The following AKAP8L variants were observed in gnomAD, a reference collection of about 807,000 sequenced individuals.
AKAP8L encodes the protein A-kinase anchor protein 8-like.
AKAP8L carries 34 observed loss-of-function variants against 77.5 expected under a neutral mutation model. The ratio of observed to expected loss-of-function variants is 0.44; its 90% confidence interval spans 0.33 to 0.58. The LOEUF (loss-of-function observed/expected upper bound fraction) is 0.58, where lower values mean the gene tolerates loss of function less well. Among genes scored for constraint, AKAP8L ranks in the 20% least tolerant of loss-of-function variants. AKAP8L has a pLI of 0.02. For missense variants in AKAP8L, 806 were observed against 887.6 expected (o/e 0.91, Z 1.17); for synonymous variants, 342 against 340.7 (o/e 1.00, Z -0.04).
intron 12 of AKAP8L, among the ~76,000 whole-genome samples, chr19:15,386,048 C>T (rs1405518162): frequency 6.6e-6 from 1 of 151,764 alleles, no homozygotes; most frequent in East Asian, 1.9e-4. Context: ...GTAGCTGGGA[C>T]TACAGGCGCC....
At chr19:15,418,777 C>T (rs759246625) in intron 1 of AKAP8L, 134 bp downstream of exon 1, 1 of 849,708 alleles carries the variant, frequency 1.2e-6, no homozygotes, top group Non-Finnish European at 1.8e-6. Context: ...GGCGACGGGC[C>T]AGCGGCGCCA....
At chr19:15,408,677 C>T (rs1599617673) in intron 2 of AKAP8L, among the ~76,000 whole-genome samples, 1 of 151,308 alleles carries the variant, frequency 6.6e-6, no homozygotes. Context: ...AGGTCAGGAG[C>T]TCGAGAACAT....
At position 15,400,570 on chromosome 19, in the gene AKAP8L, C is replaced by T. The variant is rs1476394533; in HGVS notation, c.985-212G>A. ...CGGCTATGTGCCAGAAACCTCACAT[C>T]CTCCCACTACCTGGTGCACAGGGGC... is the stretch of plus-strand genomic sequence containing the variant. On this transcript the variant is annotated intron_variant, in intron 7 of 13. Transcript: ENST00000397410. 8.5e-6 allele frequency: 6 copies of T among 707,130 alleles called. No individual in the cohort carries two copies. In the African/African-American group the frequency reaches 9.0e-5, roughly 11 times the overall value. 43.8% of individuals were successfully genotyped at this position (707,130 alleles called of 1,614,324 possible).
chr19:15,404,278 T>C, intron 2 of AKAP8L: 1 of 536,302 alleles, frequency 1.9e-6, no homozygotes, highest in Non-Finnish European at 3.3e-6. Flanking sequence ...TTCCCAACAC[T>C]CTCAACTAAG....
At chr19:15,390,081 T>C (rs1271159561) in intron 12 of AKAP8L, among the ~76,000 whole-genome samples, 1 of 151,556 alleles carries the variant, frequency 6.6e-6, no homozygotes, top group Non-Finnish European at 1.5e-5. Flanking sequence ...GAATATACCC[T>C]ATAACAAGTG....
rs777608722 is a variant in AKAP8L at position 15,380,404 on chromosome 19, G to A, written c.1659C>T (p.Pro553=). ...LKGENPFTDS[P]EEEKEQEEAE... is the part of the protein sequence containing the mutation. ...CCTCCTCCTGCTCCTTCTCCTCCTCGGGGCTGTCGGTGAAAGGGTTCTCGC... is the reference window on the plus strand; with the variant it reads ...CCTCCTCCTGCTCCTTCTCCTCCTCAGGGCTGTCGGTGAAAGGGTTCTCGC... The change falls in exon 14 of 14, where the codon CCC becomes CCT. Residue 553 remains proline, a synonymous_variant. Coordinates refer to ENST00000397410, the MANE Select transcript of AKAP8L (RefSeq NM_014371.4). 1.9e-6 allele frequency: 3 copies of A among 1,595,078 alleles called. No individual in the cohort carries two copies. Among genetic ancestry groups the A allele is most frequent in the Non-Finnish European group, 2.6e-6 (3 of 1,172,248 alleles).
chr19:15,384,980 CTTT>C (rs940796391), intron 12 of AKAP8L, among the ~76,000 whole-genome samples: 3 of 137,936 alleles, frequency 2.2e-5, no homozygotes, highest in African/African-American at 2.7e-5. Context: ...ATGCCATTCT[CTTT>C]TTTTTTTTTT....
At chr19:15,395,187 G>GC (rs1206385089) in intron 12 of AKAP8L, among the ~76,000 whole-genome samples, 4 of 151,744 alleles carry the variant, frequency 2.6e-5, no homozygotes, top group South Asian at 2.1e-4. Flanking sequence ...CTGCCACCAC[G>GC]CCTGGCTAAT....
chr19:15,400,646 C>G, intron 7 of AKAP8L, 148 bp downstream of exon 7: 2 of 1,038,054 alleles, frequency 1.9e-6, no homozygotes, highest in South Asian at 2.9e-5. Flanking sequence ...GCAGCCTGTG[C>G]TTTCTGCCAG....
chr19:15,399,249 G>C lies in AKAP8L; in HGVS notation c.1157+53C>G. 6.6e-7 allele frequency: 1 copy of C among 1,524,652 alleles called. No individual in the cohort carries two copies. The highest frequency in any genetic ancestry group is 9.1e-7 in the Non-Finnish European group (1 of 1,099,552). The allele number at this position is 1,524,652 out of a possible 1,614,324, so 94.4% of individuals were successfully genotyped here. A position where few individuals can be genotyped will look rare whatever the true frequency, so the allele number is the denominator to read the frequency against. On this transcript the variant is annotated intron_variant, in intron 9 of 13. Coordinates refer to ENST00000397410, the MANE Select transcript of AKAP8L (RefSeq NM_014371.4). This position sits in a 1 kb window ranked among gnomAD's most constrained non-coding sequence, Gnocchi z 6.1. ...GGCAGAGCTATGGCCCTGCTCTCCT[G>C]GCGGCAGCCCCACAGCGAGGCAGAG...
Position 15,401,286 on chromosome 19 carries a change from A to T in AKAP8L, c.680T>A (p.Ile227Asn). ...GCCCTGGAACATGCCGTACTCGGGG[A>T]TGATGTTCTGGGAGAAGAGGGAGGG... is the stretch of plus-strand genomic sequence containing the variant. Reference protein sequence around the residue: ...RLPSLFSQNIIPEYGMFQGMR... With the variant: ...RLPSLFSQNINPEYGMFQGMR... The change falls in exon 5 of 14, where the codon ATC becomes AAC. Residue 227 changes from isoleucine to asparagine, a missense_variant. Ile to Asn is a moderately radical substitution (Grantham distance 149, BLOSUM62 -3). Coordinates refer to ENST00000397410, the MANE Select transcript of AKAP8L (RefSeq NM_014371.4). The surrounding 1 kb of genome is among the most constrained non-coding windows in gnomAD (Gnocchi z 6.2). 6.2e-7 allele frequency: 1 copy of T among 1,613,716 alleles called. No homozygotes were observed. The highest frequency in any genetic ancestry group is 8.5e-7 in the Non-Finnish European group (1 of 1,179,876).
intron 1 of AKAP8L, among the ~76,000 whole-genome samples, chr19:15,411,975 C>T (rs993681323): frequency 6.6e-5 from 10 of 152,020 alleles, no homozygotes; most frequent in East Asian, 5.8e-4. Context: ...TTTGGGCGGC[C>T]GAGGCAGGTG....
chr19:15,380,540 T>G lies in AKAP8L; in HGVS notation c.1609A>C (p.Lys537Gln). ...RSILNNKLIS[K>Q]KLERYLKGEN... ...ACCTTCAGGTAGCGCTCCAGCTTCTTGCTGATGAGCTTGTTGTTGAGAATA... is the reference window on the plus strand; with the variant it reads ...ACCTTCAGGTAGCGCTCCAGCTTCTGGCTGATGAGCTTGTTGTTGAGAATA... The change falls in exon 13 of 14, where the codon AAG (lysine) becomes CAG (glutamine). Residue 537 changes from lysine to glutamine, a missense_variant. Physicochemically the swap from Lys to Gln is moderately conservative, Grantham distance 53 (BLOSUM62 1). Transcript: ENST00000397410. 1 of 1,613,934 alleles carries G rather than the reference T, an allele frequency of 6.2e-7. No individual in the cohort carries two copies. The highest frequency in any genetic ancestry group is 1.1e-5 in the South Asian group (1 of 91,086).
At chr19:15,395,475 C>T (rs1967751055) in intron 12 of AKAP8L, among the ~76,000 whole-genome samples, 1 of 151,306 alleles carries the variant, frequency 6.6e-6, no homozygotes, top group Non-Finnish European at 1.5e-5. Flanking sequence ...CCATCACGCC[C>T]AGCTAATTTT....
chr19:15,396,653 T>C (rs1332372286), intron 12 of AKAP8L, among the ~76,000 whole-genome samples: 1 of 152,096 alleles, frequency 6.6e-6, no homozygotes, highest in African/African-American at 2.4e-5. Context: ...ACTCCCAAGG[T>C]GGGGTCTCCT....
In AKAP8L at chr19:15,399,962, T is replaced by C. The variant is rs1967857197; in HGVS notation, c.1048+333A>G. On this transcript the variant is annotated intron_variant, in intron 8 of 13. Coordinates refer to ENST00000397410, the MANE Select transcript of AKAP8L (RefSeq NM_014371.4). This position sits in a 1 kb window ranked among gnomAD's most constrained non-coding sequence, Gnocchi z 6.1. ...GGGTCCCAGATCGGACACCAGCCAC[T>C]GAGGACTTGGAACTGCGCGTTACTG... The C allele has an allele frequency of 1.4e-5, 6 of 430,322 alleles. No individual in the cohort carries two copies. Among genetic ancestry groups the C allele is most frequent in the South Asian group, 3.0e-5 (1 of 32,980 alleles). The allele number at this position is 430,322 out of a possible 1,614,324, so 26.7% of individuals were successfully genotyped here. A position where few individuals can be genotyped will look rare whatever the true frequency, so the allele number is the denominator to read the frequency against.
intron 12 of AKAP8L, among the ~76,000 whole-genome samples, chr19:15,392,509 A>T (rs1967683987): frequency 6.6e-6 from 1 of 152,180 alleles, no homozygotes. Context: ...GAATAAAAAA[A>T]AAAAGTATTT....
In AKAP8L at chr19:15,403,618, G is replaced by A. The variant is rs1257798079; in HGVS notation, c.219C>T (p.Ser73=). 6.2e-7 allele frequency: 1 copy of A among 1,613,986 alleles called. No individual in the cohort carries two copies. Among genetic ancestry groups the A allele is most frequent in the Non-Finnish European group, 8.5e-7 (1 of 1,179,882 alleles). Residue 73 remains serine (S), a synonymous_variant, in exon 4 of 14, where the codon AGC becomes AGT. Transcript: ENST00000397410. This position sits in a 1 kb window ranked among gnomAD's most constrained non-coding sequence, Gnocchi z 4.3. ...CACTAGTGTTTGCATTTGTGTCAGA[G>A]CTAGGCATTTCCCAAGAGTGTGAAG... ...MATSHSWEMP[S]SDTNANTSAS...
chr19:15,403,060 G>C lies in AKAP8L; in HGVS notation c.362+415C>G, dbSNP rs936662196. ...CCCTTACGTGGGGGTGGCCCAGCTC[G>C]CAGTGATCAGCCCCAAACGCTCGTC... On this transcript the variant is annotated intron_variant, in intron 4 of 13. Transcript: ENST00000397410. The surrounding 1 kb of genome is among the most constrained non-coding windows in gnomAD (Gnocchi z 4.3). 1.3e-5 allele frequency among the ~76,000 whole-genome samples: 2 copies of C among 152,148 alleles called. No homozygotes were observed. Among genetic ancestry groups the C allele is most frequent in the Non-Finnish European group, 2.9e-5 (2 of 68,016 alleles).
Sources: gnomAD v4.1 joint callset for allele counts (sites outside exome capture counted in the v4.1 genomes callset) on GRCh38, gnomAD v4.1.1 for gene constraint, Gnocchi (gnomAD v3.1) non-coding constraint, MANE v1.5 for transcripts, NCBI Gene and HGNC (gene_info 2026-07-23, HGNC 2026-07-21) for gene names.